The following PTBP2 variants were observed in gnomAD, a reference collection of about 807,000 sequenced individuals.
PTBP2 encodes polypyrimidine tract-binding protein 2.
A neutral mutation model predicts 61.4 loss-of-function variants in PTBP2; 13 were observed. That is an observed-to-expected ratio of 0.21 (90% CI 0.14 to 0.34). The LOEUF is 0.34. Among genes scored for constraint, PTBP2 ranks in the 10% least tolerant of loss-of-function variants. The pLI is 1.00. For synonymous variants in PTBP2, 215 were observed against 218.5 expected (o/e 0.98, Z 0.14); for missense variants, 405 against 642.6 (o/e 0.63, Z 4.00).
intron 7 of PTBP2, among the ~76,000 whole-genome samples, chr1:96,783,778 C>T (rs1181891153): frequency 6.6e-6 from 1 of 151,972 alleles, no homozygotes; most frequent in Non-Finnish European, 1.5e-5. Context: ...CCAGGGTATT[C>T]AATTAATAGT....
At chr1:96,779,231 C>A (rs1319848648) in intron 7 of PTBP2, among the ~76,000 whole-genome samples, 1 of 151,968 alleles carries the variant, frequency 6.6e-6, no homozygotes, top group Non-Finnish European at 1.5e-5. Flanking sequence ...CCCTGGCTAC[C>A]AAAATCAATG....
At chr1:96,793,507 C>T (rs192371107) in intron 8 of PTBP2, among the ~76,000 whole-genome samples, 11 of 152,110 alleles carry the variant, frequency 7.2e-5, no homozygotes, top group African/African-American at 2.2e-4. Context: ...GTAGCTGGGG[C>T]TACAGGTGCC....
chr1:96,778,167 CTTT>C (rs371248551), intron 7 of PTBP2, among the ~76,000 whole-genome samples: 4 of 125,274 alleles, frequency 3.2e-5, no homozygotes, highest in Admixed American at 8.0e-5. Context: ...TATTATTTTA[CTTT>C]TTTTTTTTTT....
chr1:96,785,072 A>G lies in PTBP2; in HGVS notation c.722A>G (p.Gln241Arg). ...AQQAKLALDG[Q>R]NIYNACCTLR... is the part of the protein sequence containing the mutation. Reference sequence around the variant, plus strand: ...TCACTTTTACAGGCCCTAGATGGTCAGAATATTTATAATGCCTGCTGTACC... The same window carrying G: ...TCACTTTTACAGGCCCTAGATGGTCGGAATATTTATAATGCCTGCTGTACC... The change falls in exon 8 of 14, where the codon CAG (glutamine) becomes CGG (arginine). Residue 241 changes from glutamine to arginine, a missense_variant. By Grantham distance (43) the Gln-to-Arg change is conservative. Transcript: ENST00000674951. 6.3e-7 allele frequency: 1 copy of G among 1,590,658 alleles called. No individual in the cohort carries two copies. Among genetic ancestry groups the G allele is most frequent in the South Asian group, 1.1e-5 (1 of 87,876 alleles).
rs1654781948 is a variant in PTBP2 at position 96,753,200 on chromosome 1, C to T, written c.115+1700C>T. 2.6e-5 allele frequency among the ~76,000 whole-genome samples: 4 copies of T among 152,232 alleles called. No homozygotes were observed. In the South Asian group the frequency reaches 8.3e-4, roughly 32 times the overall value. ...CCAGGTCTGTCAGAAATTGTCTGCT[C>T]TGGGGCTAAATGGTGATTCCATAGG... is the stretch of plus-strand genomic sequence containing the variant. On this transcript the variant is annotated intron_variant, in intron 3 of 13. Coordinates refer to ENST00000674951, the MANE Select transcript of PTBP2 (RefSeq NM_021190.4).
intron 2 of PTBP2, among the ~76,000 whole-genome samples, chr1:96,729,772 T>G (rs2100800712): frequency 6.7e-6 from 1 of 148,674 alleles, no homozygotes; most frequent in African/African-American, 2.5e-5. Flanking sequence ...AGCCTTGCTC[T>G]GTCGCCCGGG....
chr1:96,742,310 G>A (rs1653143754), intron 2 of PTBP2, among the ~76,000 whole-genome samples: 1 of 152,132 alleles, frequency 6.6e-6, no homozygotes, highest in Admixed American at 6.5e-5. Flanking sequence ...TTATATGTAA[G>A]GGATGAGGGA....
intron 2 of PTBP2, among the ~76,000 whole-genome samples, chr1:96,747,508 T>C (rs1653995133): frequency 6.6e-6 from 1 of 152,164 alleles, no homozygotes; most frequent in Admixed American, 6.5e-5. Flanking sequence ...GTATTGTATT[T>C]AGTAGGGATC....
Position 96,813,340 on chromosome 1 carries a change from C to T in PTBP2, c.1531C>T (p.Leu511Phe). 1 of 1,607,374 alleles carries T rather than the reference C, an allele frequency of 6.2e-7. No individual in the cohort carries two copies. Among genetic ancestry groups the T allele is most frequent in the East Asian group, 2.2e-5 (1 of 44,740 alleles). Reference protein sequence around the residue: ...VEEAIQALIDLHNYNLGENHH... With the variant: ...VEEAIQALIDFHNYNLGENHH... The stretch of plus-strand genomic sequence containing the variant: ...AGAAGCTATTCAGGCCTTGATTGAT[C>T]TTCATAATTATAACCTTGGAGAAAA... The change falls in exon 14 of 14, where the codon CTT (leucine) becomes TTT (phenylalanine). Residue 511 changes from leucine (L) to phenylalanine (F), a missense_variant. Leu to Phe is a conservative substitution (Grantham distance 22). Transcript: ENST00000674951.
chr1:96,748,192 G>C (rs1353517837), intron 2 of PTBP2, among the ~76,000 whole-genome samples: 1 of 152,048 alleles, frequency 6.6e-6, no homozygotes, highest in African/African-American at 2.4e-5. Flanking sequence ...GAAAATGTTT[G>C]GTTAGTTCTC....
At chr1:96,758,204 C>G (rs1234763425) in intron 3 of PTBP2, among the ~76,000 whole-genome samples, 1 of 151,618 alleles carries the variant, frequency 6.6e-6, no homozygotes, top group Admixed American at 6.6e-5. Context: ...AGTTTCTTGA[C>G]AAATGCAAAA....
intron 3 of PTBP2, among the ~76,000 whole-genome samples, chr1:96,762,958 C>A (rs990054358): frequency 6.7e-6 from 1 of 149,974 alleles, no homozygotes; most frequent in Non-Finnish European, 1.5e-5. Context: ...GGGGCAGCGG[C>A]GCTCCCCACA....
intron 3 of PTBP2, among the ~76,000 whole-genome samples, chr1:96,760,830 A>G (rs1033988891): frequency 1.3e-5 from 2 of 152,226 alleles, no homozygotes; most frequent in Non-Finnish European, 1.5e-5. Context: ...CAGTAAGAAC[A>G]TGTTTGCTGT....
At chr1:96,805,533 A>C (rs1445245877) in intron 9 of PTBP2, among the ~76,000 whole-genome samples, 1 of 144,592 alleles carries the variant, frequency 6.9e-6, no homozygotes. Flanking sequence ...CCCTCCACCC[A>C]GTTAAATAAA....
At chr1:96,739,648 A>C (rs1652722437) in intron 2 of PTBP2, among the ~76,000 whole-genome samples, 1 of 111,960 alleles carries the variant, frequency 8.9e-6, no homozygotes, top group Admixed American at 1.1e-4. Context: ...TTTTTTTGAG[A>C]CGGAGTCTTA....
At chr1:96,729,178 C>T (rs976937354) in intron 2 of PTBP2, among the ~76,000 whole-genome samples, 1 of 152,052 alleles carries the variant, frequency 6.6e-6, no homozygotes, top group African/African-American at 2.4e-5. Flanking sequence ...CACACCACCA[C>T]GCCCAGCTAA....
intron 2 of PTBP2, chr1:96,751,203 T>C (rs1654492254): frequency 3.3e-6 from 2 of 607,342 alleles, no homozygotes; most frequent in African/African-American, 1.9e-5. Context: ...ATTTATTGTC[T>C]TTTGGGCTTA....
chr1:96,741,756 C>T (rs1042077621), intron 2 of PTBP2, among the ~76,000 whole-genome samples: 2 of 152,064 alleles, frequency 1.3e-5, no homozygotes, highest in Non-Finnish European at 2.9e-5. Context: ...ACATTTATGG[C>T]GTTAATCTAC....
intron 2 of PTBP2, among the ~76,000 whole-genome samples, chr1:96,737,524 A>G (rs1652394728): frequency 6.6e-6 from 1 of 152,218 alleles, no homozygotes; most frequent in African/African-American, 2.4e-5. Flanking sequence ...TAGCGTGGAA[A>G]GGTTCTATGA....
Sources: gnomAD v4.1 joint callset for allele counts (sites outside exome capture counted in the v4.1 genomes callset) on GRCh38, gnomAD v4.1.1 for gene constraint, MANE v1.5 for transcripts, NCBI Gene and HGNC (gene_info 2026-07-23, HGNC 2026-07-21) for gene names.